HERC3: variants seen among roughly 807,000 people sequenced by gnomAD.
HERC3 encodes the protein probable E3 ubiquitin-protein ligase HERC3.
HERC3 carries 58 observed loss-of-function variants against 129.9 expected under a neutral mutation model. That is an observed-to-expected ratio of 0.45 (90% CI 0.36 to 0.56). HERC3 has a LOEUF of 0.56. Ranked by LOEUF, HERC3 falls within the 20% of genes least tolerant of loss-of-function variation. HERC3 has a pLI of 0.00. For synonymous variants in HERC3, 430 were observed against 451.0 expected (o/e 0.95, Z 0.59); for missense variants, 835 against 1,244.2 (o/e 0.67, Z 4.95).
At chr4:88,619,142 C>T (rs189559352) in intron 3 of HERC3, among the ~76,000 whole-genome samples, 69 of 152,366 alleles carry the variant, frequency 4.5e-4, no homozygotes, top group African/African-American at 1.5e-3. Context: ...GGTAGAGCCA[C>T]AGGCCAAGAA....
chr4:88,525,182 C>T, the HERC3 span, among the ~76,000 whole-genome samples: 2 of 152,274 alleles, frequency 1.3e-5, no homozygotes, highest in South Asian at 2.1e-4. Flanking sequence ...ACCTTCCTTC[C>T]CTCACAAAGC....
upstream of HERC3, among the ~76,000 whole-genome samples, chr4:88,588,392 C>T (rs1475341631): frequency 6.6e-6 from 1 of 152,192 alleles, no homozygotes; most frequent in East Asian, 1.9e-4. Flanking sequence ...TAAGTTTAGT[C>T]TGGGTATAGA....
chr4:88,687,969 C>CTT (rs1188969053), intron 23 of HERC3, among the ~76,000 whole-genome samples: 1 of 152,164 alleles, frequency 6.6e-6, no homozygotes, highest in Non-Finnish European at 1.5e-5. Flanking sequence ...TTTACAAACA[C>CTT]TGAGTGCCCA....
intron 3 of HERC3, among the ~76,000 whole-genome samples, chr4:88,618,909 G>A (rs1725212101): frequency 6.6e-6 from 1 of 152,120 alleles, no homozygotes; most frequent in Non-Finnish European, 1.5e-5. Flanking sequence ...ATCAGCTTTG[G>A]CAGGCCACAC....
At chr4:88,641,196 C>A (rs1249457075) in intron 3 of HERC3, among the ~76,000 whole-genome samples, 1 of 152,050 alleles carries the variant, frequency 6.6e-6, no homozygotes, top group African/African-American at 2.4e-5. Flanking sequence ...TAAGCAGCAG[C>A]CTTATAAATA....
the HERC3 span, among the ~76,000 whole-genome samples, chr4:88,542,776 G>C: frequency 6.6e-6 from 1 of 152,132 alleles, no homozygotes; most frequent in Non-Finnish European, 1.5e-5. Context: ...TGCAAGGCTG[G>C]TTCAACACAT....
intron 3 of HERC3, among the ~76,000 whole-genome samples, chr4:88,639,252 A>T (rs1318653579): frequency 6.6e-6 from 1 of 152,238 alleles, no homozygotes; most frequent in Non-Finnish European, 1.5e-5. Context: ...TTTAAAATTC[A>T]TATGGAACCA....
chr4:88,633,766 A>G (rs1727033156), intron 3 of HERC3, among the ~76,000 whole-genome samples: 1 of 152,242 alleles, frequency 6.6e-6, no homozygotes. Flanking sequence ...TACTGTGCAT[A>G]AGAAATTGAC....
In HERC3 at chr4:88,649,883, A is replaced by C. The variant is rs764120729; in HGVS notation, c.270A>C (p.Ala90=). 3.1e-6 allele frequency: 5 copies of C among 1,614,034 alleles called. No homozygotes were observed. In the South Asian group the frequency reaches 5.5e-5, roughly 18 times the overall value. ...CAGATCAGCATATCATTCATGTGGC[A>C]TGTGGCGAGTCCCACAGTCTGGCCC... ...ALADQHIIHV[A]CGESHSLALS... is the part of the protein sequence containing the mutation. Residue 90 remains alanine, a synonymous_variant, in exon 4 of 26, where the codon GCA becomes GCC. Coordinates refer to ENST00000402738, the MANE Select transcript of HERC3 (RefSeq NM_014606.3).
chr4:88,619,495 G>T (rs117278425), intron 3 of HERC3, among the ~76,000 whole-genome samples: 1 of 152,162 alleles, frequency 6.6e-6, no homozygotes, highest in East Asian at 1.9e-4. Flanking sequence ...ATGTATGAAA[G>T]ACATGAATGT....
the HERC3 span, among the ~76,000 whole-genome samples, chr4:88,578,365 T>G: frequency 6.6e-6 from 1 of 152,062 alleles, no homozygotes; most frequent in Non-Finnish European, 1.5e-5. Flanking sequence ...GTAGATCACT[T>G]GAGGTCAGGA....
intron 21 of HERC3, among the ~76,000 whole-genome samples, chr4:88,682,329 T>C (rs1032876540): frequency 2.0e-5 from 3 of 152,136 alleles, no homozygotes; most frequent in Non-Finnish European, 4.4e-5. Context: ...ATTTTATTTT[T>C]TTTAAATTAT....
At chr4:88,542,405 C>G in the HERC3 span, among the ~76,000 whole-genome samples, 1 of 152,268 alleles carries the variant, frequency 6.6e-6, no homozygotes, top group Admixed American at 6.5e-5. Context: ...GAAGTTGAAT[C>G]TCTGAATAGA....
At chr4:88,577,804 A>G in the HERC3 span, among the ~76,000 whole-genome samples, 1 of 152,118 alleles carries the variant, frequency 6.6e-6, no homozygotes, top group Non-Finnish European at 1.5e-5. Context: ...TTCAAAAGGT[A>G]AGAAAGGGTT....
In HERC3 at chr4:88,686,754, A is replaced by G. The variant is rs3737488; in HGVS notation, c.2526A>G (p.Leu842=). 0.16 allele frequency: 255,752 copies of G among 1,606,986 alleles called. 21,787 individuals carry two copies. The highest frequency in any genetic ancestry group is 0.22 in the East Asian group (9,632 of 44,756). ...PTEGRSLQEL[L]DYPGEDVEET... is the part of the protein sequence containing the mutation. ...TGATTAGGAGTCTCCAAGAGCTTTTAGATTACCCCGGGGAGGATGTGGAGG... is the reference window on the plus strand; with the variant it reads ...TGATTAGGAGTCTCCAAGAGCTTTTGGATTACCCCGGGGAGGATGTGGAGG... The change falls in exon 22 of 26, where the codon TTA becomes TTG. Residue 842 remains leucine, a synonymous_variant. Transcript: ENST00000402738.
chr4:88,539,343 T>C, the HERC3 span, among the ~76,000 whole-genome samples: 2 of 152,036 alleles, frequency 1.3e-5, no homozygotes, highest in Non-Finnish European at 2.9e-5. Flanking sequence ...GAAATCAACC[T>C]GCGAGGCTGC....
At chr4:88,664,996 A>G (rs932064670) in intron 12 of HERC3, among the ~76,000 whole-genome samples, 5 of 152,278 alleles carry the variant, frequency 3.3e-5, no homozygotes, top group Middle Eastern at 6.8e-3. Flanking sequence ...CCAAGTCCTA[A>G]TTATTTCTCA....
At chr4:88,615,947 A>G (rs1393419560) in intron 3 of HERC3, among the ~76,000 whole-genome samples, 1 of 152,134 alleles carries the variant, frequency 6.6e-6, no homozygotes, top group African/African-American at 2.4e-5. Context: ...ATTCCAGCAT[A>G]TTAACAAATT....
chr4:88,694,326 A>G (rs1734375297), intron 23 of HERC3, among the ~76,000 whole-genome samples: 1 of 152,166 alleles, frequency 6.6e-6, no homozygotes, highest in Non-Finnish European at 1.5e-5. Flanking sequence ...TAATTTTCAT[A>G]TGATTCATAG....
Sources: gnomAD v4.1 joint callset for allele counts (sites outside exome capture counted in the v4.1 genomes callset) on GRCh38, gnomAD v4.1.1 for gene constraint, MANE v1.5 for transcripts, NCBI Gene and HGNC (gene_info 2026-07-23, HGNC 2026-07-21) for gene names.